MSH3: variants seen among roughly 807,000 people sequenced by gnomAD.
The protein encoded by MSH3 is mutS homolog 3, also known as DNA mismatch repair protein Msh3.
MSH3 carries 106 observed loss-of-function variants against 123.3 expected under a neutral mutation model. The observed-to-expected ratio is 0.86, with a 90% CI of 0.73 to 1.01. MSH3 has a LOEUF of 1.01. MSH3 is among the 50% of genes least tolerant of loss of function. MSH3 has a pLI of 0.00. For missense variants in MSH3, 1,459 were observed against 1,347.6 expected, an observed-to-expected ratio of 1.08 and a Z score of -1.29; for synonymous variants, 515 against 481.4, an observed-to-expected ratio of 1.07 and a Z score of -0.91.
intron 7 of MSH3, 116 bp from the exon 8 acceptor site, chr5:80,678,811 A>G: frequency 9.0e-7 from 1 of 1,106,192 alleles, no homozygotes; most frequent in Non-Finnish European, 1.3e-6. Flanking sequence ...TTAGAAATAG[A>G]GTACATACAT....
chr5:80,803,735 T>C (rs923112051), intron 19 of MSH3, among the ~76,000 whole-genome samples: 3 of 152,118 alleles, frequency 2.0e-5, no homozygotes, highest in Admixed American at 2.0e-4. Context: ...CTCTAATCCA[T>C]TTTGATTTGA....
intron 8 of MSH3, among the ~76,000 whole-genome samples, chr5:80,695,656 A>G (rs945682340): frequency 6.6e-6 from 1 of 152,022 alleles, no homozygotes; most frequent in East Asian, 1.9e-4. Context: ...TATGCCTTCT[A>G]TTACGTTGCA....
Position 80,698,610 on chromosome 5 carries a change from A to G in MSH3, c.1340+19517A>G, listed in dbSNP as rs151272135. Among the ~76,000 whole-genome samples, 277 of 147,768 alleles carry G rather than the reference A, an allele frequency of 1.9e-3. 1 individual carries two copies. Among genetic ancestry groups the G allele is most frequent in the African/African-American group, 6.8e-3 (266 of 39,360 alleles). On this transcript the variant is annotated intron_variant, in intron 8 of 23. Coordinates refer to ENST00000265081, the MANE Select transcript of MSH3 (RefSeq NM_002439.5). ...AGTTTGGCTGGGTTACTCTGCCAGCATGAGCAGGCAACCTGAGGCAGGACA... is the reference window on the plus strand; with the variant it reads ...AGTTTGGCTGGGTTACTCTGCCAGCGTGAGCAGGCAACCTGAGGCAGGACA...
intron 8 of MSH3, among the ~76,000 whole-genome samples, chr5:80,714,902 C>T (rs181057286): frequency 3.3e-5 from 5 of 152,222 alleles, no homozygotes; most frequent in Admixed American, 6.5e-5. Context: ...GTAGTTAGTC[C>T]GATACTCTCT....
chr5:80,856,716 G>T (rs1745927173), intron 21 of MSH3, among the ~76,000 whole-genome samples: 1 of 152,042 alleles, frequency 6.6e-6, no homozygotes, highest in African/African-American at 2.4e-5. Flanking sequence ...ATAAAAAAAA[G>T]AAACTACATA....
At chr5:80,864,730 T>A in intron 21 of MSH3, 83 bp from the exon 22 acceptor site, 1 of 1,302,122 alleles carries the variant, frequency 7.7e-7, no homozygotes, top group Admixed American at 1.9e-5. Context: ...GATTTAAAAT[T>A]TTTCAAAAGA....
intron 18 of MSH3, among the ~76,000 whole-genome samples, chr5:80,791,180 AG>A (rs1427473924): frequency 6.6e-6 from 1 of 150,972 alleles, no homozygotes; most frequent in Non-Finnish European, 1.5e-5. Context: ...ATAGACAGAC[AG>A]GAGATTGAAA....
intron 21 of MSH3, among the ~76,000 whole-genome samples, chr5:80,858,607 C>T (rs1421390236): frequency 1.3e-5 from 2 of 152,010 alleles, no homozygotes; most frequent in Non-Finnish European, 2.9e-5. Context: ...AATTTGTCAA[C>T]ATGTGTTTTA....
chr5:80,766,773 A>AG (rs1744131867), intron 13 of MSH3, among the ~76,000 whole-genome samples: 1 of 152,058 alleles, frequency 6.6e-6, no homozygotes, highest in Non-Finnish European at 1.5e-5. Flanking sequence ...TAAAAAAAAA[A>AG]CTACAGTAGT....
At position 80,654,879 on chromosome 5, in the gene MSH3, C is replaced by G; in HGVS notation, c.152C>G (p.Ala51Gly). Residue 51 changes from alanine (A) to glycine (G), a missense_variant, in exon 1 of 24, where the codon GCT becomes GGT. Coordinates refer to ENST00000265081, the MANE Select transcript of MSH3 (RefSeq NM_002439.5). The stretch of plus-strand genomic sequence containing the variant: ...GCAGCCGACCAGGTGGACCCTGGCG[C>G]TGCAGCGGCTGCAGCGGCCGCAGCG... ...TGAADQVDPGAAAAAAAAAAA... is the reference protein window; with the variant it reads ...TGAADQVDPGGAAAAAAAAAA... 6 of 1,524,552 alleles carry G rather than the reference C, an allele frequency of 3.9e-6. No individual in the cohort carries two copies. Among genetic ancestry groups the G allele is most frequent in the Non-Finnish European group, 4.4e-6 (5 of 1,126,454 alleles). The allele number at this position is 1,524,552 out of a possible 1,614,324, so 94.4% of individuals were successfully genotyped here.
chr5:80,835,151 T>C (rs534705040), intron 20 of MSH3, among the ~76,000 whole-genome samples: 5 of 152,200 alleles, frequency 3.3e-5, no homozygotes, highest in Non-Finnish European at 7.4e-5. Flanking sequence ...CCAAATTCTA[T>C]GTAGAGAGCT....
At chr5:80,794,480 G>A (rs1744664476) in intron 19 of MSH3, among the ~76,000 whole-genome samples, 1 of 152,166 alleles carries the variant, frequency 6.6e-6, no homozygotes. Context: ...TGAGAATTTG[G>A]TCAAGGACAT....
intron 3 of MSH3, among the ~76,000 whole-genome samples, chr5:80,667,911 G>A (rs1313570577): frequency 6.6e-6 from 1 of 152,192 alleles, no homozygotes; most frequent in Admixed American, 6.5e-5. Flanking sequence ...TTTCAGGCCT[G>A]TTTGTGTTAC....
intron 12 of MSH3, among the ~76,000 whole-genome samples, chr5:80,747,942 C>A (rs1463484327): frequency 1.3e-5 from 2 of 152,064 alleles, no homozygotes; most frequent in Non-Finnish European, 2.9e-5. Context: ...GAATGTATCC[C>A]CATCATTAAG....
At chr5:80,742,037 G>C (rs1184652446) in intron 11 of MSH3, among the ~76,000 whole-genome samples, 1 of 149,028 alleles carries the variant, frequency 6.7e-6, no homozygotes, top group Non-Finnish European at 1.5e-5. Flanking sequence ...ACAGAGTCTC[G>C]CTCTGTTGCC....
rs564082100 is a variant in MSH3, at chr5:80,833,222, CTG to C, written c.2813+19483_2813+19484del. On this transcript the variant is annotated intron_variant, in intron 20 of 23. Transcript: ENST00000265081. The stretch of plus-strand genomic sequence containing the variant: ...ATTTTTTTTTTCCTTAATCACATAA[CTG>C]TAACCTTCTGTCTACTCAGGGCAAA... 1.7e-3 allele frequency among the ~76,000 whole-genome samples: 254 copies of C among 152,012 alleles called. 2 individuals are homozygous for C. The highest frequency in any genetic ancestry group is 4.8e-3 in the African/African-American group (199 of 41,460).
intron 17 of MSH3, among the ~76,000 whole-genome samples, chr5:80,786,006 G>T (rs549193326): frequency 2.9e-3 from 445 of 151,510 alleles, no homozygotes; most frequent in Admixed American, 5.4e-3. Flanking sequence ...TGGGGGGAAG[G>T]GGGGAGGGAT....
intron 8 of MSH3, among the ~76,000 whole-genome samples, chr5:80,701,037 C>T (rs991571285): frequency 3.9e-5 from 6 of 152,258 alleles, no homozygotes; most frequent in Middle Eastern, 3.4e-3. Context: ...TTAGCTAAAG[C>T]GTCTTGTCCT....
At chr5:80,765,870 C>G (rs33014) in intron 13 of MSH3, among the ~76,000 whole-genome samples, 52,994 of 152,016 alleles carry the variant, frequency 0.35, 9,422 homozygotes, top group East Asian at 0.58. Context: ...TTGAAACATT[C>G]ATGTCTGAAA....
Sources: allele counts gnomAD v4.1 joint callset (sites outside exome capture counted in the v4.1 genomes callset), GRCh38; gene constraint gnomAD v4.1.1; transcripts MANE v1.5; gene names NCBI Gene and HGNC (gene_info 2026-07-23, HGNC 2026-07-21).